Variants in MED12L observed in about 807,000 individuals in gnomAD.
MED12L encodes mediator of RNA polymerase II transcription subunit 12-like protein.
Under a neutral mutation model 281.3 loss-of-function variants are expected in MED12L, and 60 were observed. That is an observed-to-expected ratio of 0.21 (90% CI 0.17 to 0.26). MED12L has a LOEUF of 0.26. MED12L is among the 10% of genes least tolerant of loss of function. MED12L has a pLI of 1.00. For synonymous variants in MED12L, 974 were observed against 987.2 expected (o/e 0.99, Z 0.25); for missense variants, 2,146 against 2,680.9 (o/e 0.80, Z 4.41).
At chr3:151,231,525 A>G (rs761983989) in intron 16 of MED12L, among the ~76,000 whole-genome samples, 3 of 152,248 alleles carry the variant, frequency 2.0e-5, no homozygotes, top group South Asian at 2.1e-4. Flanking sequence ...AAAATCTTCA[A>G]TGAGCAATCA....
chr3:151,269,810 A>G (rs997379377), intron 16 of MED12L: 21 of 428,980 alleles, frequency 4.9e-5, no homozygotes, highest in African/African-American at 4.4e-4. Flanking sequence ...TCTGGAAAGG[A>G]TATAATGAAA....
At chr3:151,147,245 T>G (rs2148893293) in intron 5 of MED12L, among the ~76,000 whole-genome samples, 1 of 152,312 alleles carries the variant, frequency 6.6e-6, no homozygotes, top group African/African-American at 2.4e-5. Context: ...GTGTTTTACT[T>G]TTTATCAGTA....
At chr3:151,094,090 C>T (rs1260342793) in intron 2 of MED12L, among the ~76,000 whole-genome samples, 2 of 152,170 alleles carry the variant, frequency 1.3e-5, no homozygotes, top group Admixed American at 6.5e-5. Context: ...GGTGTGTGCA[C>T]GTGTGTGTCT....
chr3:151,213,208 T>A, intron 16 of MED12L: 3 of 975,932 alleles, frequency 3.1e-6, no homozygotes, highest in Non-Finnish European at 4.6e-6. Flanking sequence ...GAGATGATAT[T>A]TATGATGAGG....
chr3:151,211,945 C>G (rs570845238), intron 16 of MED12L, among the ~76,000 whole-genome samples: 1 of 152,318 alleles, frequency 6.6e-6, no homozygotes, highest in Admixed American at 6.5e-5. Flanking sequence ...CATGCCCTAT[C>G]TGGAGTACTT....
chr3:151,227,297 C>T (rs931920088), intron 16 of MED12L, among the ~76,000 whole-genome samples: 8 of 152,300 alleles, frequency 5.3e-5, no homozygotes, highest in East Asian at 3.9e-4. Flanking sequence ...AGCATAAATT[C>T]GGCCCTCTCT....
chr3:151,248,966 G>A (rs1048911779), intron 16 of MED12L: 1 of 152,204 alleles, frequency 6.6e-6, no homozygotes, highest in Admixed American at 6.5e-5. Context: ...CTGCTGGACT[G>A]CTCGTGTTGA....
At chr3:151,218,654 G>A (rs1470927579) in intron 16 of MED12L, among the ~76,000 whole-genome samples, 1 of 151,918 alleles carries the variant, frequency 6.6e-6, no homozygotes, top group African/African-American at 2.4e-5. Context: ...GGATCACGAG[G>A]TCAGGAGATT....
At chr3:151,295,121 G>T in intron 16 of MED12L, 1 of 1,613,324 alleles carries the variant, frequency 6.2e-7, no homozygotes, top group African/African-American at 1.3e-5. Context: ...CAAGACAATT[G>T]TGTCAAATTC....
intron 16 of MED12L, among the ~76,000 whole-genome samples, chr3:151,330,183 A>C (rs973031024): frequency 6.6e-6 from 1 of 152,212 alleles, no homozygotes; most frequent in African/African-American, 2.4e-5. Flanking sequence ...TGTGTTATTA[A>C]GAATGAATTG....
rs565895275 is a variant in MED12L, at chr3:151,232,062, G to T, written c.2250+38396G>T. Among the ~76,000 whole-genome samples the T allele has an allele frequency of 3.1e-3, 477 of 152,236 alleles. 4 individuals are homozygous for T. The highest frequency in any genetic ancestry group is 0.011 in the African/African-American group (462 of 41,528). ...CTGTGCTCCGTGCCTGACAGGTAACGAATGCCTAATAACAGTCTCCTGGGT... is the reference window on the plus strand; with the variant it reads ...CTGTGCTCCGTGCCTGACAGGTAACTAATGCCTAATAACAGTCTCCTGGGT... On this transcript the variant is annotated intron_variant, in intron 16 of 44. Transcript: ENST00000687756.
At chr3:151,281,518 C>T (rs955092284) in intron 16 of MED12L, among the ~76,000 whole-genome samples, 6 of 152,206 alleles carry the variant, frequency 3.9e-5, no homozygotes, top group East Asian at 1.9e-4. Flanking sequence ...TAGCCAATAA[C>T]GACATTATAA....
chr3:151,104,242 G>A (rs1721736705), intron 2 of MED12L, among the ~76,000 whole-genome samples: 1 of 152,164 alleles, frequency 6.6e-6, no homozygotes, highest in Admixed American at 6.5e-5. Context: ...AAGGGTTGGG[G>A]CAGGAGAAGG....
At chr3:151,309,431 T>C (rs1047462687) in intron 16 of MED12L, among the ~76,000 whole-genome samples, 1 of 152,176 alleles carries the variant, frequency 6.6e-6, no homozygotes, top group Non-Finnish European at 1.5e-5. Flanking sequence ...TACTGTCTTA[T>C]ATGGGATACA....
In MED12L at chr3:151,197,081, C is replaced by T. The variant is rs147052854; in HGVS notation, c.2250+3415C>T. On this transcript the variant is annotated intron_variant, in intron 16 of 44. Coordinates refer to ENST00000687756, the MANE Select transcript of MED12L (RefSeq NM_001393769.1). ...TTTTATTTAATGCTGTGTATTCTTT[C>T]TGCATCACCAGCAGTGGAGAGAATT... 1.6e-4 allele frequency among the ~76,000 whole-genome samples: 25 copies of T among 152,306 alleles called. No individual in the cohort carries two copies. In the East Asian group the frequency reaches 4.8e-3, roughly 29 times the overall value.
rs910730965 is a variant in MED12L at position 151,435,586 on chromosome 3, A to T, written c.*2782A>T. On this transcript the variant is annotated 3_prime_UTR_variant, in exon 45 of 45. Transcript: ENST00000687756. ...TTGTGCACTGAGATATCTAAGACCT[A>T]TGGCATTTTTTTCCCATTTATAAAG... The T allele has an allele frequency of 2.6e-5, 4 of 151,192 alleles. No individual in the cohort carries two copies. Among genetic ancestry groups the T allele is most frequent in the Non-Finnish European group, 4.4e-5 (3 of 67,906 alleles). 9.4% of individuals were successfully genotyped at this position (151,192 alleles called of 1,614,324 possible).
At chr3:151,331,130 T>C (rs761322700) in intron 16 of MED12L, among the ~76,000 whole-genome samples, 3 of 152,234 alleles carry the variant, frequency 2.0e-5, no homozygotes, top group Non-Finnish European at 4.4e-5. Context: ...TGCCTGTTTC[T>C]AGAGTTATGG....
At chr3:151,190,572 C>A in intron 13 of MED12L, 145 bp from the exon 14 acceptor site, 1 of 716,970 alleles carries the variant, frequency 1.4e-6, no homozygotes, top group Non-Finnish European at 2.3e-6. Flanking sequence ...GCCCAAAATG[C>A]TAGTGCCTCA....
At chr3:151,407,713 A>G (rs1716491665) in intron 39 of MED12L, among the ~76,000 whole-genome samples, 1 of 152,208 alleles carries the variant, frequency 6.6e-6, no homozygotes, top group Non-Finnish European at 1.5e-5. Flanking sequence ...AATGAGTTAG[A>G]GACTAAGAGT....
Sources: allele counts gnomAD v4.1 joint callset (sites outside exome capture counted in the v4.1 genomes callset), GRCh38; gene constraint gnomAD v4.1.1; transcripts MANE v1.5; gene names NCBI Gene and HGNC (gene_info 2026-07-23, HGNC 2026-07-21).